The following KCNAB2 variants were observed in gnomAD, a reference collection of about 807,000 sequenced individuals.
The protein encoded by KCNAB2 is potassium voltage-gated channel subfamily A regulatory beta subunit 2, also known as voltage-gated potassium channel subunit beta-2.
A neutral mutation model predicts 63.6 loss-of-function variants in KCNAB2; 29 were observed. The observed-to-expected ratio is 0.46, with a 90% CI of 0.34 to 0.62. KCNAB2 has a LOEUF of 0.62. Among genes scored for constraint, KCNAB2 ranks in the 20% least tolerant of loss-of-function variants. KCNAB2 has a pLI of 0.01. For missense variants in KCNAB2, 359 were observed against 563.9 expected (o/e 0.64, Z 3.68); for synonymous variants, 222 against 224.2 (o/e 0.99, Z 0.09).
chr1:6,050,271 A>G (rs1274198976), intron 1 of KCNAB2, among the ~76,000 whole-genome samples: 2 of 152,162 alleles, frequency 1.3e-5, no homozygotes, highest in African/African-American at 4.8e-5. Flanking sequence ...CCCAGCTGAA[A>G]TGGTGACTTC....
intron 1 of KCNAB2, among the ~76,000 whole-genome samples, chr1:6,048,898 G>A (rs1661162472): frequency 6.6e-6 from 1 of 152,222 alleles, no homozygotes; most frequent in South Asian, 2.1e-4. Context: ...GCTGTCTGTG[G>A]GTGCCAAGGG....
Position 6,087,238 on chromosome 1 carries a change from C to T in KCNAB2, c.426-229C>T, listed in dbSNP as rs11583631. ...CCACTGTCCAACTCCCACTGCCTGA[C>T]TCACAGTTACTGCCTCGGTGGCTGC... On this transcript the variant is annotated intron_variant, in intron 6 of 15. Transcript: ENST00000378083. This position sits in a 1 kb window ranked among gnomAD's most constrained non-coding sequence, Gnocchi z 6.4. 0.084 allele frequency among the ~76,000 whole-genome samples: 12,833 copies of T among 152,230 alleles called. 733 individuals carry two copies. The highest frequency in any genetic ancestry group is 0.19 in the East Asian group (994 of 5,164).
chr1:6,059,978 G>A (rs573833329), intron 2 of KCNAB2, among the ~76,000 whole-genome samples: 7 of 152,310 alleles, frequency 4.6e-5, no homozygotes, highest in African/African-American at 1.7e-4. Context: ...TGCGCTCTGG[G>A]CAAGGCTCAC....
rs1349548158 is a variant in KCNAB2, at chr1:6,096,216, C to T, written c.949-420C>T. The T allele has an allele frequency of 1.3e-5, 6 of 453,482 alleles. No individual in the cohort carries two copies. The Admixed American group carries it at 1.4e-4, about 11-fold the overall frequency. 28.1% of individuals were successfully genotyped at this position (453,482 alleles called of 1,614,324 possible). ...CATCCCATGGCAAGGTCAGGGCCCCCCTCCAGGAGGCCCTGCAATCCTCTG... is the reference window on the plus strand; with the variant it reads ...CATCCCATGGCAAGGTCAGGGCCCCTCTCCAGGAGGCCCTGCAATCCTCTG... On this transcript the variant is annotated intron_variant, in intron 13 of 15. Coordinates refer to ENST00000378083, the MANE Select transcript of KCNAB2 (RefSeq NM_001199862.2). The surrounding 1 kb of genome is among the most constrained non-coding windows in gnomAD (Gnocchi z 5.9).
intron 2 of KCNAB2, among the ~76,000 whole-genome samples, chr1:6,057,836 A>G (rs983202672): frequency 6.6e-6 from 1 of 151,990 alleles, no homozygotes; most frequent in Non-Finnish European, 1.5e-5. Context: ...CTCTGTCTCC[A>G]AATCTCTCTC....
At chr1:6,036,542 G>T (rs1660054512) in intron 1 of KCNAB2, among the ~76,000 whole-genome samples, 1 of 152,178 alleles carries the variant, frequency 6.6e-6, no homozygotes, top group Non-Finnish European at 1.5e-5. Flanking sequence ...GTTTTCTTTG[G>T]AGATGAGAGA....
chr1:6,063,986 C>G (rs1192488309), intron 2 of KCNAB2, among the ~76,000 whole-genome samples: 6 of 152,210 alleles, frequency 3.9e-5, no homozygotes, highest in Non-Finnish European at 8.8e-5. Context: ...GAACTCTGTG[C>G]TGCTTAACGT....
rs74945827 is a variant in KCNAB2, at chr1:6,071,926, G to A, written c.219-829G>A. Reference sequence around the variant, plus strand: ...CGCGTAGGGCTCCCGGGAGGATCCGGGGACAGGATGCCTGGGGACTGCCTG... The same window carrying A: ...CGCGTAGGGCTCCCGGGAGGATCCGAGGACAGGATGCCTGGGGACTGCCTG... On this transcript the variant is annotated intron_variant, in intron 2 of 15. Transcript: ENST00000378083. This position sits in a 1 kb window ranked among gnomAD's most constrained non-coding sequence, Gnocchi z 8.5. Among the ~76,000 whole-genome samples, 8,817 of 152,200 alleles carry A rather than the reference G, an allele frequency of 0.058. 821 individuals carry two copies. The highest frequency in any genetic ancestry group is 0.2 in the African/African-American group (8,305 of 41,502).
intron 12 of KCNAB2, 22 bp downstream of exon 12, chr1:6,095,465 G>GGCCCCCCC: frequency 6.3e-7 from 1 of 1,586,188 alleles, no homozygotes. Flanking sequence ...CGGGCCCCTC[G>GGCCCCCCC]CCCCGCCCCA....
rs576464520 is a variant in KCNAB2 at position 6,015,653 on chromosome 1, G to A, written c.-53+22865G>A. Among the ~76,000 whole-genome samples the A allele has an allele frequency of 3.9e-5, 6 of 152,350 alleles. No individual in the cohort carries two copies. In the East Asian group the frequency reaches 7.7e-4, roughly 20 times the overall value. ...CTTGGGTCAGTGTTGGGTTTGCTAT[G>A]CTAATATTGATTTGGAGCTTTAGAG... On this transcript the variant is annotated intron_variant, in intron 1 of 16. Coordinates refer to the KCNAB2 transcript ENST00000341524.
At chr1:6,040,727 C>G in intron 2 of KCNAB2, 1 of 860,974 alleles carries the variant, frequency 1.2e-6, no homozygotes, top group Non-Finnish European at 1.9e-6. Flanking sequence ...ACTGTCCTCC[C>G]CTCTGGAGGT....
chr1:6,044,595 G>T (rs1364196234), upstream of KCNAB2, among the ~76,000 whole-genome samples: 1 of 152,144 alleles, frequency 6.6e-6, no homozygotes, highest in African/African-American at 2.4e-5. Context: ...TGTTGGTGGG[G>T]GGCCTCGAAT....
chr1:6,054,094 G>C (rs1483940809), intron 2 of KCNAB2, among the ~76,000 whole-genome samples: 1 of 151,894 alleles, frequency 6.6e-6, no homozygotes, highest in Non-Finnish European at 1.5e-5. Flanking sequence ...TTTGGAAATA[G>C]GGTCATTGCA....
upstream of KCNAB2, among the ~76,000 whole-genome samples, chr1:6,030,820 GTGTATGTGTAAGTATATGTGTGTAGGTA>G (rs1481826788): frequency 6.6e-6 from 1 of 151,662 alleles, no homozygotes; most frequent in Non-Finnish European, 1.5e-5. Context: ...GTGTATATGT[GTGTATGTGTAAGTATATGTGTGTAGGTA>G]TGTGTGTGTA....
chr1:6,006,460 G>A (rs143926828), intron 1 of KCNAB2, among the ~76,000 whole-genome samples: 6 of 896 alleles, frequency 6.7e-3, no homozygotes, highest in African/African-American at 0.012. Context: ...TCACCCCTCA[G>A]CTCAGCTCCC....
intron 1 of KCNAB2, among the ~76,000 whole-genome samples, chr1:6,046,714 G>A (rs568291811): frequency 1.1e-4 from 17 of 152,262 alleles, no homozygotes; most frequent in Admixed American, 6.5e-4. Context: ...TTGTAGAGCC[G>A]CACCCCGGAA....
chr1:6,000,725 C>T (rs773956113), intron 1 of KCNAB2, among the ~76,000 whole-genome samples: 4 of 152,162 alleles, frequency 2.6e-5, no homozygotes, highest in East Asian at 1.9e-4. Flanking sequence ...GCCTATAGGC[C>T]GTTGGAATCT....
At chr1:6,065,905 T>C (rs1015883373) in intron 2 of KCNAB2, among the ~76,000 whole-genome samples, 2 of 152,200 alleles carry the variant, frequency 1.3e-5, no homozygotes, top group Non-Finnish European at 2.9e-5. Context: ...TCCCCACCGT[T>C]GCCTTCGGAA....
At chr1:6,040,034 T>G (rs2100452209) in intron 1 of KCNAB2, among the ~76,000 whole-genome samples, 1 of 152,250 alleles carries the variant, frequency 6.6e-6, no homozygotes, top group South Asian at 2.1e-4. Context: ...CTGCCTGACT[T>G]AGGAGCTCAA....
Sources: gnomAD v4.1 joint callset for allele counts (sites outside exome capture counted in the v4.1 genomes callset) on GRCh38, gnomAD v4.1.1 for gene constraint, Gnocchi (gnomAD v3.1) non-coding constraint, MANE v1.5 for transcripts, NCBI Gene and HGNC (gene_info 2026-07-23, HGNC 2026-07-21) for gene names.